The following SLC12A7 variants were observed in gnomAD, a reference collection of about 807,000 sequenced individuals.
SLC12A7 encodes solute carrier family 12 member 7, also known as K-Cl cotransporter 4.
A neutral mutation model predicts 120.6 loss-of-function variants in SLC12A7; 100 were observed. That is an observed-to-expected ratio of 0.83 (90% CI 0.71 to 0.98). The LOEUF is 0.98. SLC12A7 is among the 50% of genes least tolerant of loss of function. SLC12A7 has a pLI of 0.00. For synonymous variants in SLC12A7, 760 were observed against 678.0 expected (o/e 1.12, Z -1.88); for missense variants, 1,373 against 1,548.1 (o/e 0.89, Z 1.90).
chr5:1,119,049 T>C, the SLC12A7 span, among the ~76,000 whole-genome samples: 1 of 152,228 alleles, frequency 6.6e-6, no homozygotes, highest in Non-Finnish European at 1.5e-5. Flanking sequence ...CCTCGTTTTG[T>C]GGCCCCGCAT....
In SLC12A7 at chr5:1,064,136, C is replaced by T. The variant is rs762012139; in HGVS notation, c.2554G>A (p.Val852Met). 1.9e-6 allele frequency: 3 copies of T among 1,611,762 alleles called. No homozygotes were observed. Among genetic ancestry groups the T allele is most frequent in the Admixed American group, 1.7e-5 (1 of 59,958 alleles). The change falls in exon 19 of 24, where the codon GTG (valine) becomes ATG (methionine). Residue 852 changes from valine to methionine, a missense_variant. Coordinates refer to ENST00000264930, the MANE Select transcript of SLC12A7 (RefSeq NM_006598.3). ...GGGHIDVWWI[V>M]HDGGMLMLLP... ...AGCATGAGCATGCCGCCGTCGTGCA[C>T]GATCCACCACACGTCGATGTGGCCC... is the stretch of plus-strand genomic sequence containing the variant.
chr5:1,108,029 T>TACACATACACAC lies in SLC12A7; in HGVS notation c.124+3838_124+3839insGTGTGTATGTGT, dbSNP rs1742665948. ...CTGCCACAGCATACAAACACACACA[T>TACACATACACAC]ACACACACACACGTGAGCATGCCCA... On this transcript the variant is annotated intron_variant, in intron 1 of 23. Coordinates refer to ENST00000264930, the MANE Select transcript of SLC12A7 (RefSeq NM_006598.3). Among the ~76,000 whole-genome samples the TACACATACACAC allele has an allele frequency of 4.0e-5, 6 of 151,492 alleles. No individual in the cohort carries two copies. In the South Asian group the frequency reaches 1.3e-3, roughly 32 times the overall value.
At chr5:1,136,172 C>A in the SLC12A7 span, among the ~76,000 whole-genome samples, 1 of 152,170 alleles carries the variant, frequency 6.6e-6, no homozygotes, top group Admixed American at 6.5e-5. Flanking sequence ...CTCCTGCAGG[C>A]ACTGCTGTGC....
At position 1,063,928 on chromosome 5, in the gene SLC12A7, G is replaced by C; in HGVS notation, c.2655C>G (p.Asp885Glu). 6.2e-7 allele frequency: 1 copy of C among 1,612,496 alleles called. No homozygotes were observed. The highest frequency in any genetic ancestry group is 2.2e-5 in the East Asian group (1 of 44,858). The change falls in exon 20 of 24, where the codon GAC becomes GAG. Residue 885 changes from aspartate to glutamate, a missense_variant. Transcript: ENST00000264930. ...CCTTCTTCATCTGGATGCTGTTGTC[G>C]TCCACCTGGGCCACGGTGAAGATAC... The part of the protein sequence containing the change: ...RMRIFTVAQV[D>E]DNSIQMKKDL...
the SLC12A7 span, among the ~76,000 whole-genome samples, chr5:1,137,572 C>T: frequency 6.6e-6 from 1 of 152,174 alleles, no homozygotes; most frequent in Non-Finnish European, 1.5e-5. Context: ...ACCCCCCGAG[C>T]AGGCACTGAA....
rs184076818 is a variant in SLC12A7, at chr5:1,110,491, T to C, written c.124+1377A>G. Among the ~76,000 whole-genome samples the C allele has an allele frequency of 3.4e-3, 521 of 152,292 alleles. 3 individuals are homozygous for C. The highest frequency in any genetic ancestry group is 0.012 in the African/African-American group (489 of 41,554). On this transcript the variant is annotated intron_variant, in intron 1 of 23. Transcript: ENST00000264930. Reference sequence around the variant, plus strand: ...AAGAAAACGAACAAGCACAAAATTCTCTCTGGCTTAAAAGCAAATGACACT... The same window carrying C: ...AAGAAAACGAACAAGCACAAAATTCCCTCTGGCTTAAAAGCAAATGACACT...
the SLC12A7 span, among the ~76,000 whole-genome samples, chr5:1,135,797 G>A: frequency 6.6e-6 from 1 of 152,226 alleles, no homozygotes; most frequent in Non-Finnish European, 1.5e-5. Context: ...GTCTCTTGCA[G>A]AGGAGTGCAG....
Position 1,057,417 on chromosome 5 carries a change from C to G in SLC12A7, c.3026+54G>C, listed in dbSNP as rs113772863. The G allele has an allele frequency of 4.9e-5, 75 of 1,531,086 alleles. No individual in the cohort carries two copies. In the African/African-American group the frequency reaches 7.8e-4, roughly 16 times the overall value. The allele number at this position is 1,531,086 out of a possible 1,614,324, so 94.8% of individuals were successfully genotyped here. On this transcript the variant is annotated intron_variant, in intron 22 of 23. Coordinates refer to ENST00000264930, the MANE Select transcript of SLC12A7 (RefSeq NM_006598.3). ...AGGGAAGGGACTCTGTCCTCACTGC[C>G]GGGCCAGCACTGCCAGGATCTGTTC...
At chr5:1,127,214 T>C in the SLC12A7 span, among the ~76,000 whole-genome samples, 1,373 of 152,240 alleles carry the variant, frequency 9.0e-3, 27 homozygotes, top group African/African-American at 0.031. Flanking sequence ...GGGGTTTCAC[T>C]GTGTTGACCA....
At chr5:1,152,741 A>G in the SLC12A7 span, among the ~76,000 whole-genome samples, 1 of 152,174 alleles carries the variant, frequency 6.6e-6, no homozygotes, top group Non-Finnish European at 1.5e-5. Flanking sequence ...AAGTCAACTG[A>G]GTACAAAGTC....
At chr5:1,074,196 C>A (rs914044849) in intron 16 of SLC12A7, among the ~76,000 whole-genome samples, 1 of 151,424 alleles carries the variant, frequency 6.6e-6, no homozygotes, top group Non-Finnish European at 1.5e-5. Context: ...CCGGGGCACA[C>A]CCGAGGCCCC....
chr5:1,064,356 G>C, intron 18 of SLC12A7, 104 bp from the exon 19 acceptor site: 1 of 1,360,648 alleles, frequency 7.3e-7, no homozygotes, highest in East Asian at 2.5e-5. Flanking sequence ...GCGAGGCGAG[G>C]GGGGTCCCCA....
At chr5:1,090,254 T>TGGGGCC (rs938512876) in intron 3 of SLC12A7, among the ~76,000 whole-genome samples, 2 of 152,126 alleles carry the variant, frequency 1.3e-5, no homozygotes, top group African/African-American at 4.8e-5. Flanking sequence ...TGGCCAAGGC[T>TGGGGCC]GGGGCCAGGG....
upstream of SLC12A7, among the ~76,000 whole-genome samples, chr5:1,115,646 G>A (rs188007209): frequency 1.4e-4 from 21 of 152,290 alleles, no homozygotes; most frequent in Admixed American, 1.2e-3. Flanking sequence ...GGAGAGCTCC[G>A]TGTCCAGGGA....
At chr5:1,104,605 A>G (rs1023084547) in intron 1 of SLC12A7, among the ~76,000 whole-genome samples, 1 of 152,210 alleles carries the variant, frequency 6.6e-6, no homozygotes, top group Non-Finnish European at 1.5e-5. Flanking sequence ...CCAGGGGTCA[A>G]CACAGGCCTG....
At chr5:1,053,119 C>T (rs902385223) in intron 23 of SLC12A7, among the ~76,000 whole-genome samples, 1 of 152,216 alleles carries the variant, frequency 6.6e-6, no homozygotes, top group African/African-American at 2.4e-5. Context: ...GGGGCTGGTA[C>T]TGTAGGCGGG....
In SLC12A7 at chr5:1,111,922, G is replaced by A. The variant is rs1467475666; in HGVS notation, c.70C>T (p.Arg24Trp). 2 of 1,274,554 alleles carry A rather than the reference G, an allele frequency of 1.6e-6. No individual in the cohort carries two copies. The highest frequency in any genetic ancestry group is 2.7e-5 in the South Asian group (1 of 36,774). The allele number at this position is 1,274,554 out of a possible 1,614,324, so 79.0% of individuals were successfully genotyped here. A position where few individuals can be genotyped will look rare whatever the true frequency, so the allele number is the denominator to read the frequency against. Residue 24 changes from arginine to tryptophan, a missense_variant, in exon 1 of 24, where the codon CGG (arginine) becomes TGG (tryptophan). By Grantham distance (101) the Arg-to-Trp change is moderately radical. Transcript: ENST00000264930. ...ADGGGDETAERTEAPGTPEGP... is the reference protein window; with the variant it reads ...ADGGGDETAEWTEAPGTPEGP... ...TCGGGGGTGCCCGGAGCCTCCGTCCGCTCGGCAGTCTCGTCCCCGCCGCCG... is the reference window on the plus strand; with the variant it reads ...TCGGGGGTGCCCGGAGCCTCCGTCCACTCGGCAGTCTCGTCCCCGCCGCCG...
At chr5:1,102,715 G>A (rs1227374926) in intron 1 of SLC12A7, among the ~76,000 whole-genome samples, 2 of 152,176 alleles carry the variant, frequency 1.3e-5, no homozygotes, top group East Asian at 3.9e-4. Flanking sequence ...ACTCGAGGAG[G>A]TTCTCAGGCC....
intron 1 of SLC12A7, among the ~76,000 whole-genome samples, chr5:1,096,570 T>C (rs376007900): frequency 1.3e-5 from 2 of 150,496 alleles, no homozygotes; most frequent in Non-Finnish European, 2.9e-5. Flanking sequence ...AACGGCCAAC[T>C]GTTTACAGAG....
Sources: gnomAD v4.1 joint callset for allele counts (sites outside exome capture counted in the v4.1 genomes callset) on GRCh38, gnomAD v4.1.1 for gene constraint, MANE v1.5 for transcripts, NCBI Gene and HGNC (gene_info 2026-07-23, HGNC 2026-07-21) for gene names.